Variants in GBA2 observed in about 807,000 individuals in gnomAD.
The protein encoded by GBA2 is non-lysosomal glucosylceramidase.
A neutral mutation model predicts 112.9 loss-of-function variants in GBA2; 79 were observed. That is an observed-to-expected ratio of 0.70 (90% CI 0.58 to 0.84). GBA2 has a LOEUF of 0.84. Among genes scored for constraint, GBA2 ranks in the 40% least tolerant of loss-of-function variants. The probability of loss-of-function intolerance (pLI) is 0.00; values close to 1 mark genes in which losing one functional copy is unlikely to be tolerated. For missense variants in GBA2, 1,043 were observed against 1,190.0 expected (o/e 0.88, Z 1.82); for synonymous variants, 403 against 434.3 (o/e 0.93, Z 0.90).
At chr9:35,748,233 C>T in intron 1 of GBA2, 113 bp downstream of exon 1, 2 of 698,042 alleles carry the variant, frequency 2.9e-6, no homozygotes. Flanking sequence ...ATAGGGACCG[C>T]TTCACTCAGA....
intron 1 of GBA2, among the ~76,000 whole-genome samples, chr9:35,744,959 C>G (rs1305983965): frequency 6.6e-6 from 1 of 152,158 alleles, no homozygotes; most frequent in Non-Finnish European, 1.5e-5. Flanking sequence ...CCTTACCTCT[C>G]TAGCACCACC....
rs983417812 is a variant in GBA2 at position 35,739,214 on chromosome 9, AC to A, written c.1687+100del. 2.1e-5 allele frequency: 22 copies of A among 1,024,098 alleles called. No individual in the cohort carries two copies. The African/African-American group carries it at 3.1e-4, about 15-fold the overall frequency. 63.4% of individuals were successfully genotyped at this position (1,024,098 alleles called of 1,614,324 possible). A position where few individuals can be genotyped will look rare whatever the true frequency, so the allele number is the denominator to read the frequency against. On this transcript the variant is annotated intron_variant, in intron 10 of 16. Transcript: ENST00000378103. ...GGGAACCAGTAAGCAGCATGCAGAT[AC>A]GTATGAAGGGAAGGGAAAGAAGAGA...
chr9:35,737,126 G>A lies in GBA2; in HGVS notation c.*43C>T. 6.3e-7 allele frequency: 1 copy of A among 1,576,632 alleles called. No homozygotes were observed. The highest frequency in any genetic ancestry group is 1.1e-5 in the South Asian group (1 of 87,538). On this transcript the variant is annotated 3_prime_UTR_variant, in exon 17 of 17. Transcript: ENST00000378103. This position sits in a 1 kb window ranked among gnomAD's most constrained non-coding sequence, Gnocchi z 4.1. Reference sequence around the variant, plus strand: ...GAGGGGAAGGAGGAAAGGCCAGGCTGGAGGCTGGGCTGTTAGCACTTCCCT... The same window carrying A: ...GAGGGGAAGGAGGAAAGGCCAGGCTAGAGGCTGGGCTGTTAGCACTTCCCT...
rs769759061 is a variant in GBA2, at chr9:35,740,411, G to C, written c.1130-49C>G. On this transcript the variant is annotated intron_variant, in intron 6 of 16. Transcript: ENST00000378103. This position sits in a 1 kb window ranked among gnomAD's most constrained non-coding sequence, Gnocchi z 4.7. ...AGGACAGGAGCCCCTTCAGCCCCAGGGATAGGGATCCCTAACATGGAAACA... is the reference window on the plus strand; with the variant it reads ...AGGACAGGAGCCCCTTCAGCCCCAGCGATAGGGATCCCTAACATGGAAACA... 8.7e-6 allele frequency: 14 copies of C among 1,602,476 alleles called. No homozygotes were observed. In the South Asian group the frequency reaches 1.4e-4, roughly 16 times the overall value.
rs772858533 is a variant in GBA2 at position 35,741,104 on chromosome 9, C to T, written c.787-40G>A. ...TTAGACTCAGACGGTCCCAGTAGAG[C>T]GCCTCCTGACCCCACTCTGCTAGGA... On this transcript the variant is annotated intron_variant, in intron 4 of 16. Transcript: ENST00000378103. This position sits in a 1 kb window ranked among gnomAD's most constrained non-coding sequence, Gnocchi z 4.6. 15 of 1,608,142 alleles carry T rather than the reference C, an allele frequency of 9.3e-6. No homozygotes were observed. The highest frequency in any genetic ancestry group is 2.7e-5 in the African/African-American group (2 of 74,862).
In GBA2 at chr9:35,744,427, G is replaced by GT. The variant is rs746743031; in HGVS notation, c.452-16dup. ...CAAGGGACAACCTAGAGAAATCAGG[G>GT]TGGTTAGTGGGGTATTGGGAGAGGA... On this transcript the variant is annotated splice_polypyrimidine_tract_variant and intron_variant, in intron 2 of 16. Transcript: ENST00000378103. 1 of 1,438,586 alleles carries GT rather than the reference G, an allele frequency of 7.0e-7. No individual in the cohort carries two copies. Among genetic ancestry groups the GT allele is most frequent in the Non-Finnish European group, 9.8e-7 (1 of 1,019,554 alleles). The allele number at this position is 1,438,586 out of a possible 1,614,324, so 89.1% of individuals were successfully genotyped here. A position where few individuals can be genotyped will look rare whatever the true frequency, so the allele number is the denominator to read the frequency against.
rs139815660 is a variant in GBA2, at chr9:35,739,326, T to C, written c.1676A>G (p.Gln559Arg). Residue 559 changes from glutamine (Q) to arginine (R), a missense_variant, in exon 10 of 17, where the codon CAG becomes CGG. Physicochemically the swap from Gln to Arg is conservative, Grantham distance 43. Transcript: ENST00000378103. Reference protein sequence around the residue: ...MLWPKLELSLQYDMALATLRE... With the variant: ...MLWPKLELSLRYDMALATLRE... ...AAAGGGATCCTCACCCATGTCATACTGTAGGCTGAGCTCAAGTTTGGGCCA... is the reference window on the plus strand; with the variant it reads ...AAAGGGATCCTCACCCATGTCATACCGTAGGCTGAGCTCAAGTTTGGGCCA... 1.2e-6 allele frequency: 2 copies of C among 1,607,068 alleles called. No individual in the cohort carries two copies. The highest frequency in any genetic ancestry group is 1.7e-6 in the Non-Finnish European group (2 of 1,173,556).
At position 35,741,702 on chromosome 9, in the gene GBA2, C is replaced by T; in HGVS notation, c.756G>A (p.Gln252=). 6.2e-7 allele frequency: 1 copy of T among 1,613,244 alleles called. No individual in the cohort carries two copies. The highest frequency in any genetic ancestry group is 2.2e-5 in the East Asian group (1 of 44,876). The change falls in exon 4 of 17, where the codon CAG becomes CAA. Residue 252 remains glutamine, a synonymous_variant. Transcript: ENST00000378103. This position sits in a 1 kb window ranked among gnomAD's most constrained non-coding sequence, Gnocchi z 4.6. Reference sequence around the variant, plus strand: ...AGTCATGGGGCAAGATGGGTGTGATCTGACGGCAGGTGAGGGTGACATTCT... The same window carrying T: ...AGTCATGGGGCAAGATGGGTGTGATTTGACGGCAGGTGAGGGTGACATTCT... ...PGQNVTLTCR[Q]ITPILPHDYQ...
Position 35,737,250 on chromosome 9 carries a change from T to C in GBA2, c.2703A>G (p.Pro901=), listed in dbSNP as rs1411587746. ...QQQQHKKASW[P]KVKQGTGLRT... ...TTAGTCCTGTGCCCTGTTTGACTTT[T>C]GGCCAGGAGGCCTTTTTGTGCTGCT... The change falls in exon 17 of 17, where the codon CCA becomes CCG. Residue 901 remains proline, a synonymous_variant. Transcript: ENST00000378103. The surrounding 1 kb of genome is among the most constrained non-coding windows in gnomAD (Gnocchi z 4.1). The C allele has an allele frequency of 6.2e-7, 1 of 1,613,962 alleles. No individual in the cohort carries two copies. Among genetic ancestry groups the C allele is most frequent in the Admixed American group, 1.7e-5 (1 of 60,036 alleles).
Position 35,737,660 on chromosome 9 carries a change from G to C in GBA2, c.2505+88C>G. 1 of 1,609,726 alleles carries C rather than the reference G, an allele frequency of 6.2e-7. No homozygotes were observed. The highest frequency in any genetic ancestry group is 8.5e-7 in the Non-Finnish European group (1 of 1,176,848). On this transcript the variant is annotated intron_variant, in intron 16 of 16. Transcript: ENST00000378103. This position sits in a 1 kb window ranked among gnomAD's most constrained non-coding sequence, Gnocchi z 4.1. The stretch of plus-strand genomic sequence containing the variant: ...CTTTATAGACGGACAAGATGGCATT[G>C]GGTTATGCCTTGAAGAAATTTGGTG...
intron 1 of GBA2, among the ~76,000 whole-genome samples, chr9:35,747,184 G>A (rs1337219519): frequency 1.3e-5 from 2 of 152,184 alleles, no homozygotes; most frequent in Non-Finnish European, 2.9e-5. Flanking sequence ...GGTCCAGGGG[G>A]TTGAGCACAG....
Position 35,739,629 on chromosome 9 carries a change from C to G in GBA2, c.1581G>C (p.Glu527Asp). ...LRDYGRFGYL[E>D]GQEYRMYNTY... is the part of the protein sequence containing the mutation. The stretch of plus-strand genomic sequence containing the variant: ...TCCCAGCCCACCAGCATCCTGTACC[C>G]TCAAGGTAGCCAAATCGACCGTAGT... Residue 527 changes from glutamate (E) to aspartate (D), a missense_variant and splice_region_variant, in exon 9 of 17, where the codon GAG (glutamate) becomes GAC (aspartate). Physicochemically the swap from Glu to Asp is conservative, Grantham distance 45. Transcript: ENST00000378103. 3 of 1,613,548 alleles carry G rather than the reference C, an allele frequency of 1.9e-6. No individual in the cohort carries two copies. Among genetic ancestry groups the G allele is most frequent in the Non-Finnish European group, 2.5e-6 (3 of 1,179,600 alleles).
Position 35,737,165 on chromosome 9 carries a change from C to G in GBA2, c.*4G>C. 2 of 1,601,554 alleles carry G rather than the reference C, an allele frequency of 1.2e-6. No homozygotes were observed. Among genetic ancestry groups the G allele is most frequent in the East Asian group, 4.5e-5 (2 of 44,836 alleles). On this transcript the variant is annotated 3_prime_UTR_variant, in exon 17 of 17. Coordinates refer to ENST00000378103, the MANE Select transcript of GBA2 (RefSeq NM_020944.3). The surrounding 1 kb of genome is among the most constrained non-coding windows in gnomAD (Gnocchi z 4.1). ...TAGCACTTCCCTCCCACAGTTCAGACGGCTCACTCTGGGCTCAGGTTTGCC... is the reference window on the plus strand; with the variant it reads ...TAGCACTTCCCTCCCACAGTTCAGAGGGCTCACTCTGGGCTCAGGTTTGCC...
At chr9:35,739,160 G>A in intron 10 of GBA2, 51 bp from the exon 11 acceptor site, 1 of 1,232,998 alleles carries the variant, frequency 8.1e-7, no homozygotes, top group Non-Finnish European at 1.2e-6. Context: ...CCTGAGGAGG[G>A]GCACACAGCT....
At position 35,738,071 on chromosome 9, in the gene GBA2, A is replaced by C; in HGVS notation, c.2279T>G (p.Leu760Arg). 1 of 1,613,040 alleles carries C rather than the reference A, an allele frequency of 6.2e-7. No individual in the cohort carries two copies. The highest frequency in any genetic ancestry group is 8.5e-7 in the Non-Finnish European group (1 of 1,179,208). ...TCCTTCTCCTAGGCCACAGGCCTTC[A>C]GGAACCACTGTCCAGCACACTGGTC... is the stretch of plus-strand genomic sequence containing the variant. ...MSDQCAGQWF[L>R]KACGLGEGDT... The change falls in exon 15 of 17, where the codon CTG (leucine) becomes CGG (arginine). Residue 760 changes from leucine (L) to arginine (R), a missense_variant. Leu to Arg is a moderately radical substitution (Grantham distance 102). Coordinates refer to ENST00000378103, the MANE Select transcript of GBA2 (RefSeq NM_020944.3).
chr9:35,740,464 C>T lies in GBA2; in HGVS notation c.1129+62G>A. ...GCCTACTTATTACCAGGCCTCCCAC[C>T]CCTGGTCCCAAGACAGGGACAACCT... On this transcript the variant is annotated intron_variant, in intron 6 of 16. Coordinates refer to ENST00000378103, the MANE Select transcript of GBA2 (RefSeq NM_020944.3). The surrounding 1 kb of genome is among the most constrained non-coding windows in gnomAD (Gnocchi z 4.7). The T allele has an allele frequency of 6.4e-7, 1 of 1,561,880 alleles. No individual in the cohort carries two copies. The highest frequency in any genetic ancestry group is 8.8e-7 in the Non-Finnish European group (1 of 1,135,580).
intron 1 of GBA2, among the ~76,000 whole-genome samples, chr9:35,747,973 A>C (rs1827069844): frequency 6.6e-6 from 1 of 152,206 alleles, no homozygotes; most frequent in African/African-American, 2.4e-5. Flanking sequence ...CCCCCAAATA[A>C]AACAACATTG....
At chr9:35,739,944 TCCC>T in intron 8 of GBA2, 51 bp downstream of exon 8, 1 of 1,602,732 alleles carries the variant, frequency 6.2e-7, no homozygotes, top group Admixed American at 1.7e-5. Context: ...AATCGAGGAG[TCCC>T]ATTTGGAGTG....
rs1323182132 is a variant in GBA2, at chr9:35,737,833, T to C, written c.2420A>G (p.His807Arg). Residue 807 changes from histidine to arginine, a missense_variant, in exon 16 of 17, where the codon CAT becomes CGT. Coordinates refer to ENST00000378103, the MANE Select transcript of GBA2 (RefSeq NM_020944.3). The surrounding 1 kb of genome is among the most constrained non-coding windows in gnomAD (Gnocchi z 4.1). ...AMGAVNGMQP[H>R]GVPDKSSVQS... ...CACACTGGATTTATCAGGGACACCATGGGGCTGCATCCCATTCACAGCCCC... is the reference window on the plus strand; with the variant it reads ...CACACTGGATTTATCAGGGACACCACGGGGCTGCATCCCATTCACAGCCCC... The C allele has an allele frequency of 1.2e-6, 2 of 1,613,682 alleles. No homozygotes were observed.
Sources: allele counts gnomAD v4.1 joint callset (sites outside exome capture counted in the v4.1 genomes callset), GRCh38; gene constraint gnomAD v4.1.1; non-coding constraint Gnocchi (gnomAD v3.1); transcripts MANE v1.5; gene names NCBI Gene and HGNC (gene_info 2026-07-23, HGNC 2026-07-21).